AREL1: variants seen among roughly 807,000 people sequenced by gnomAD.
The protein encoded by AREL1 is apoptosis-resistant E3 ubiquitin protein ligase 1.
AREL1 carries 62 observed loss-of-function variants against 99.0 expected under a neutral mutation model. That is an observed-to-expected ratio of 0.63 (90% CI 0.51 to 0.77). The LOEUF (loss-of-function observed/expected upper bound fraction) is 0.77. AREL1 is among the 30% of genes least tolerant of loss of function. The pLI, the probability that AREL1 is intolerant of heterozygous loss-of-function variation, is 0.00. For missense variants in AREL1, 879 were observed against 1,027.6 expected, an observed-to-expected ratio of 0.86 and a Z score of 1.98; for synonymous variants, 380 against 376.5, an observed-to-expected ratio of 1.01 and a Z score of -0.11.
intron 17 of AREL1, among the ~76,000 whole-genome samples, chr14:74,665,750 A>G (rs1036445720): frequency 1.3e-5 from 2 of 152,236 alleles, no homozygotes; most frequent in Non-Finnish European, 2.9e-5. Context: ...TTCAGGATCC[A>G]GCATGTTACT....
chr14:74,668,583 A>G (rs1194745545), intron 15 of AREL1, among the ~76,000 whole-genome samples: 2 of 152,276 alleles, frequency 1.3e-5, no homozygotes, highest in South Asian at 2.1e-4. Context: ...GAGGACCCTA[A>G]TTCAGTGTCC....
At chr14:74,686,172 T>C (rs17101961) in intron 2 of AREL1, among the ~76,000 whole-genome samples, 9,641 of 152,174 alleles carry the variant, frequency 0.063, 879 homozygotes, top group African/African-American at 0.2. Flanking sequence ...CTCTGGGTCA[T>C]CCCAATAATA....
chr14:74,670,006 G>A lies in AREL1; in HGVS notation c.1729C>T (p.Arg577Ter), dbSNP rs2089296615. 5 of 1,614,020 alleles carry A rather than the reference G, an allele frequency of 3.1e-6. No homozygotes were observed. Among genetic ancestry groups the A allele is most frequent in the African/African-American group, 2.7e-5 (2 of 75,042 alleles). ...AGGAAAGAGCGGGTGAAGCGAGCTC[G>A]GACCAACTGCTTGTAGGCTCCTCCT... ...SLGGAYKQLVRARFTRSFLAQ... is the reference protein window; with the variant it reads ...SLGGAYKQLV The change falls in exon 14 of 20, where the codon CGA becomes TGA. Residue 577 changes from arginine to a stop codon, truncating the protein, a stop_gained. Transcript: ENST00000356357. LOFTEE classifies it high-confidence loss of function.
At position 74,676,632 on chromosome 14, in the gene AREL1, T is replaced by C. The variant is rs1237292298; in HGVS notation, c.602A>G (p.Asn201Ser). 2.5e-6 allele frequency: 4 copies of C among 1,614,026 alleles called. No homozygotes were observed. The highest frequency in any genetic ancestry group is 3.4e-6 in the Non-Finnish European group (4 of 1,179,990). ...GTGCTCATCTCTCAAGGACATGGAA[T>C]TGTTGGTGGGATTATCATACTCATC... Reference protein sequence around the residue: ...PRDEYDNPTNNSMSLRDEHNY... With the variant: ...PRDEYDNPTNSSMSLRDEHNY... Residue 201 changes from asparagine to serine, a missense_variant, in exon 6 of 20, where the codon AAT becomes AGT. Asn to Ser is a conservative substitution (Grantham distance 46). Transcript: ENST00000356357.
chr14:74,698,380 GC>G lies in AREL1; in HGVS notation c.-333-6053del. On this transcript the variant is annotated intron_variant, in intron 1 of 19. Coordinates refer to ENST00000356357, the MANE Select transcript of AREL1 (RefSeq NM_001039479.2). ...TCTGGCTTCTAGAACATTCTTGCCT[GC>G]CCTGATGCCCAAATCTGGGAGGCAT... Among the ~76,000 whole-genome samples, 3 of 152,232 alleles carry G rather than the reference GC, an allele frequency of 2.0e-5. No homozygotes were observed. The South Asian group carries it at 6.2e-4, about 32-fold the overall frequency.
At chr14:74,707,704 G>T (rs953893285) in intron 1 of AREL1, among the ~76,000 whole-genome samples, 5 of 150,988 alleles carry the variant, frequency 3.3e-5, no homozygotes, top group Non-Finnish European at 7.4e-5. Context: ...TGAGGCAGGA[G>T]AAAGGTGTGA....
intron 1 of AREL1, among the ~76,000 whole-genome samples, chr14:74,711,547 A>G (rs1237146031): frequency 1.3e-5 from 2 of 152,032 alleles, no homozygotes; most frequent in Non-Finnish European, 2.9e-5. Flanking sequence ...TGTCTCAAAA[A>G]TAAAATAAAA....
intron 15 of AREL1, among the ~76,000 whole-genome samples, chr14:74,668,419 TG>T (rs1178189199): frequency 6.6e-6 from 1 of 152,118 alleles, no homozygotes; most frequent in African/African-American, 2.4e-5. Context: ...GGATTCTCAA[TG>T]GATCTAAAAA....
At chr14:74,705,938 G>A (rs2090170176) in intron 1 of AREL1, among the ~76,000 whole-genome samples, 1 of 152,174 alleles carries the variant, frequency 6.6e-6, no homozygotes, top group South Asian at 2.1e-4. Flanking sequence ...GTATAACAGG[G>A]AAAACAAGAA....
In AREL1 at chr14:74,663,514, T is replaced by C. The variant is rs2089132926; in HGVS notation, c.*206A>G. On this transcript the variant is annotated 3_prime_UTR_variant, in exon 20 of 20. Coordinates refer to ENST00000356357, the MANE Select transcript of AREL1 (RefSeq NM_001039479.2). ...AATGAAGAGCTCAGCTTACATACCA[T>C]GCCAAAGTGGCCTGTGGTAGATATG... The C allele has an allele frequency of 6.7e-6, 4 of 599,254 alleles. No individual in the cohort carries two copies. Among genetic ancestry groups the C allele is most frequent in the Middle Eastern group, 4.6e-4 (1 of 2,186 alleles). The allele number at this position is 599,254 out of a possible 1,614,324, so 37.1% of individuals were successfully genotyped here.
At chr14:74,698,051 C>T (rs1271015156) in intron 1 of AREL1, among the ~76,000 whole-genome samples, 1 of 152,118 alleles carries the variant, frequency 6.6e-6, no homozygotes, top group African/African-American at 2.4e-5. Flanking sequence ...GTAATATTTG[C>T]ATGAATTTCT....
chr14:74,698,816 G>C (rs1450233588), intron 1 of AREL1: 1 of 258,038 alleles, frequency 3.9e-6, no homozygotes. Context: ...TTGCGCCCAG[G>C]AGTTCAAGAC....
intron 1 of AREL1, among the ~76,000 whole-genome samples, chr14:74,695,786 T>G (rs1191911052): frequency 6.6e-6 from 1 of 152,224 alleles, no homozygotes. Flanking sequence ...AAGGCTAGTA[T>G]GGTGTTCAGC....
chr14:74,682,261 G>A (rs929614793), intron 5 of AREL1, among the ~76,000 whole-genome samples: 2 of 152,150 alleles, frequency 1.3e-5, no homozygotes, highest in Admixed American at 1.3e-4. Flanking sequence ...CAAATCTTAA[G>A]GCCCCACTCA....
chr14:74,673,557 A>T (rs754754855), intron 9 of AREL1, among the ~76,000 whole-genome samples: 2 of 152,252 alleles, frequency 1.3e-5, no homozygotes, highest in Non-Finnish European at 2.9e-5. Context: ...AACAGCAATA[A>T]ATGACTACTC....
chr14:74,703,571 A>G (rs954859842), intron 1 of AREL1, among the ~76,000 whole-genome samples: 8 of 152,232 alleles, frequency 5.3e-5, no homozygotes, highest in African/African-American at 1.7e-4. Flanking sequence ...ATAGAAATAC[A>G]TTTGTATCAC....
rs887275195 is a variant in AREL1, at chr14:74,671,587, G to C, written c.1423-104C>G. 21 of 654,512 alleles carry C rather than the reference G, an allele frequency of 3.2e-5. No homozygotes were observed. The African/African-American group carries it at 4.0e-4, about 13-fold the overall frequency. The allele number at this position is 654,512 out of a possible 1,614,324, so 40.5% of individuals were successfully genotyped here. A position where few individuals can be genotyped will look rare whatever the true frequency, so the allele number is the denominator to read the frequency against. ...TGCCATTGTCTGCTGGACTAACTAC[G>C]ACTGCCTGAAGGAGATATGTTACTC... On this transcript the variant is annotated intron_variant, in intron 11 of 19. Coordinates refer to ENST00000356357, the MANE Select transcript of AREL1 (RefSeq NM_001039479.2).
Position 74,661,499 on chromosome 14 carries a change from C to T in AREL1, c.*2221G>A, listed in dbSNP as rs2089076364. Reference sequence around the variant, plus strand: ...ACAAGGACATAAATAAAAGAACTGGCCAAAATAAGAAACACTAATAGAAAA... The same window carrying T: ...ACAAGGACATAAATAAAAGAACTGGTCAAAATAAGAAACACTAATAGAAAA... On this transcript the variant is annotated 3_prime_UTR_variant, in exon 20 of 20. Coordinates refer to ENST00000356357, the MANE Select transcript of AREL1 (RefSeq NM_001039479.2). 1 of 284,814 alleles carries T rather than the reference C, an allele frequency of 3.5e-6. No homozygotes were observed. Among genetic ancestry groups the T allele is most frequent in the East Asian group, 1.1e-4 (1 of 9,388 alleles). The allele number at this position is 284,814 out of a possible 1,614,324, so 17.6% of individuals were successfully genotyped here.
In AREL1 at chr14:74,683,187, G is replaced by C. The variant is rs762243702; in HGVS notation, c.481+109C>G. 302 of 761,824 alleles carry C rather than the reference G, an allele frequency of 4.0e-4. 1 individual carries two copies. Among genetic ancestry groups the C allele is most frequent in the Non-Finnish European group, 5.8e-4 (277 of 480,656 alleles). The allele number at this position is 761,824 out of a possible 1,614,324, so 47.2% of individuals were successfully genotyped here. A position where few individuals can be genotyped will look rare whatever the true frequency, so the allele number is the denominator to read the frequency against. On this transcript the variant is annotated intron_variant, in intron 5 of 19. Transcript: ENST00000356357. ...ATACTTTAAAAGGATGAATTTTATG[G>C]CATGGGAATTAAATCTCAATAAAGG...
Sources: allele counts gnomAD v4.1 joint callset (sites outside exome capture counted in the v4.1 genomes callset), GRCh38; gene constraint gnomAD v4.1.1; transcripts MANE v1.5; gene names NCBI Gene and HGNC (gene_info 2026-07-23, HGNC 2026-07-21).